Variants in ROBO2 observed in about 807,000 individuals in gnomAD.
ROBO2 encodes roundabout homolog 2.
Under a neutral mutation model 160.8 loss-of-function variants are expected in ROBO2, and 53 were observed. The ratio of observed to expected loss-of-function variants is 0.33; its 90% CI spans 0.26 to 0.41. The LOEUF (loss-of-function observed/expected upper bound fraction) is 0.41, where lower values mean the gene tolerates loss of function less well. ROBO2 is among the 10% of genes least tolerant of loss of function. The pLI is 1.00. For missense variants in ROBO2, 1,577 were observed against 1,722.4 expected, an observed-to-expected ratio of 0.92 and a Z score of 1.49; for synonymous variants, 664 against 611.7, an observed-to-expected ratio of 1.09 and a Z score of -1.26.
intron 2 of ROBO2, among the ~76,000 whole-genome samples, chr3:76,899,617 C>T (rs189715178): frequency 7.2e-5 from 11 of 152,150 alleles, no homozygotes; most frequent in Admixed American, 3.3e-4. Context: ...TTAACAAAGA[C>T]GTGCTATTTT....
intron 2 of ROBO2, among the ~76,000 whole-genome samples, chr3:76,523,367 G>A (rs1218266292): frequency 6.6e-6 from 1 of 151,852 alleles, no homozygotes; most frequent in African/African-American, 2.4e-5. Flanking sequence ...CCTTCCTTCT[G>A]TTACTTGGAC....
intron 2 of ROBO2, among the ~76,000 whole-genome samples, chr3:77,179,007 T>G (rs1208671209): frequency 6.6e-6 from 1 of 152,056 alleles, no homozygotes; most frequent in African/African-American, 2.4e-5. Context: ...TAGTGAATCT[T>G]AGGTAGGTAG....
In ROBO2 at chr3:77,538,870, T is replaced by C. The variant is rs377249848; in HGVS notation, c.935-7468T>C. 3.8e-4 allele frequency: 189 copies of C among 498,484 alleles called. 1 individual carries two copies. The highest frequency in any genetic ancestry group is 2.7e-3 in the South Asian group (183 of 68,390). 30.9% of individuals were successfully genotyped at this position (498,484 alleles called of 1,614,324 possible). A position where few individuals can be genotyped will look rare whatever the true frequency, so the allele number is the denominator to read the frequency against. On this transcript the variant is annotated intron_variant, in intron 6 of 25. Coordinates refer to ENST00000461745, the Ensembl canonical transcript of ROBO2. Reference sequence around the variant, plus strand: ...CGATTTCTCACTCTCTGTTTCTTGTTGGTGGAGGCAAGCCTATTAACTAAT... The same window carrying C: ...CGATTTCTCACTCTCTGTTTCTTGTCGGTGGAGGCAAGCCTATTAACTAAT...
intron 2 of ROBO2, among the ~76,000 whole-genome samples, chr3:77,278,212 T>TA (rs1327773336): frequency 1.3e-5 from 2 of 152,298 alleles, no homozygotes; most frequent in Admixed American, 6.5e-5. Flanking sequence ...TAAATCTACT[T>TA]AAACAGCCAT....
At chr3:76,622,319 G>T (rs2089277915) in intron 2 of ROBO2, among the ~76,000 whole-genome samples, 1 of 115,992 alleles carries the variant, frequency 8.6e-6, no homozygotes, top group Non-Finnish European at 2.0e-5. Context: ...AGAAAACATA[G>T]CCAGGTGTAG....
intron 2 of ROBO2, among the ~76,000 whole-genome samples, chr3:76,942,747 T>G (rs2078275289): frequency 6.6e-6 from 1 of 152,150 alleles, no homozygotes; most frequent in Non-Finnish European, 1.5e-5. Context: ...CATTGAACAC[T>G]TCACTGATTT....
chr3:76,191,556 G>T (rs1216163608), intron 2 of ROBO2, among the ~76,000 whole-genome samples: 2 of 151,940 alleles, frequency 1.3e-5, no homozygotes, highest in South Asian at 2.1e-4. Context: ...ATAATTCTCA[G>T]TATATTCTTC....
At chr3:76,160,912 T>A (rs769775508) in intron 2 of ROBO2, among the ~76,000 whole-genome samples, 4 of 152,162 alleles carry the variant, frequency 2.6e-5, no homozygotes, top group Non-Finnish European at 5.9e-5. Flanking sequence ...TATTTCTATT[T>A]CATTTTGAAA....
At chr3:77,321,012 C>A (rs576043814) in intron 2 of ROBO2, among the ~76,000 whole-genome samples, 17 of 152,056 alleles carry the variant, frequency 1.1e-4, no homozygotes, top group Non-Finnish European at 2.4e-4. Flanking sequence ...ACACACAATT[C>A]CAGATGAAAG....
At chr3:77,168,567 A>C (rs1269808335) in intron 2 of ROBO2, among the ~76,000 whole-genome samples, 1 of 152,136 alleles carries the variant, frequency 6.6e-6, no homozygotes, top group African/African-American at 2.4e-5. Flanking sequence ...TTACATGTTT[A>C]TATTCTATTA....
intron 2 of ROBO2, among the ~76,000 whole-genome samples, chr3:77,426,084 G>A (rs539900495): frequency 1.3e-5 from 2 of 152,194 alleles, no homozygotes; most frequent in South Asian, 2.1e-4. Flanking sequence ...GATTGGGAGG[G>A]AGCAAGAACG....
At chr3:76,294,841 C>A (rs945579175) in intron 2 of ROBO2, among the ~76,000 whole-genome samples, 1 of 152,144 alleles carries the variant, frequency 6.6e-6, no homozygotes, top group Non-Finnish European at 1.5e-5. Context: ...TTGATAACTT[C>A]AATGAGGGAT....
At chr3:77,169,574 G>C (rs1177953072) in intron 2 of ROBO2, among the ~76,000 whole-genome samples, 2 of 151,918 alleles carry the variant, frequency 1.3e-5, no homozygotes, top group Non-Finnish European at 2.9e-5. Context: ...TCAGAATATC[G>C]TTTCTGAAAA....
chr3:76,148,010 C>T (rs1422852680), intron 2 of ROBO2, among the ~76,000 whole-genome samples: 3 of 151,930 alleles, frequency 2.0e-5, no homozygotes, highest in South Asian at 4.1e-4. Flanking sequence ...GGATAATAGG[C>T]ACCAAATACC....
intron 1 of ROBO2, among the ~76,000 whole-genome samples, chr3:77,076,768 C>T (rs1186938307): frequency 6.6e-6 from 1 of 152,238 alleles, no homozygotes; most frequent in Non-Finnish European, 1.5e-5. Flanking sequence ...CTAATTAAAG[C>T]TATAAGCTTG....
intron 2 of ROBO2, among the ~76,000 whole-genome samples, chr3:76,376,534 A>G (rs1054794326): frequency 6.6e-6 from 1 of 152,278 alleles, no homozygotes; most frequent in African/African-American, 2.4e-5. Flanking sequence ...TGAAAATCCA[A>G]GAATCAGTGG....
intron 2 of ROBO2, among the ~76,000 whole-genome samples, chr3:76,866,745 G>A (rs2071412354): frequency 6.6e-6 from 1 of 151,816 alleles, no homozygotes; most frequent in Admixed American, 6.6e-5. Context: ...TTTCTTTTTA[G>A]CAAACAAGAA....
At chr3:76,583,767 A>T (rs1166453045) in intron 2 of ROBO2, among the ~76,000 whole-genome samples, 1 of 152,088 alleles carries the variant, frequency 6.6e-6, no homozygotes, top group Non-Finnish European at 1.5e-5. Flanking sequence ...CGATGCCTTT[A>T]GCCCCAAATC....
intron 2 of ROBO2, chr3:76,434,096 A>G: frequency 7.9e-7 from 1 of 1,273,864 alleles, no homozygotes; most frequent in Non-Finnish European, 1.1e-6. Flanking sequence ...TACCTCTGAC[A>G]TGCACCGTGG....
Sources: allele counts gnomAD v4.1 joint callset (sites outside exome capture counted in the v4.1 genomes callset), GRCh38; gene constraint gnomAD v4.1.1; transcripts MANE v1.5; gene names NCBI Gene and HGNC (gene_info 2026-07-23, HGNC 2026-07-21).